Variants in ABCB11 observed in about 807,000 individuals in gnomAD.
ABCB11 encodes the protein bile salt export pump.
A neutral mutation model predicts 148.0 loss-of-function variants in ABCB11; 95 were observed. That is an observed-to-expected ratio of 0.64 (90% CI 0.54 to 0.76). The LOEUF (loss-of-function observed/expected upper bound fraction) is 0.76, where lower values mean the gene tolerates loss of function less well. Among genes scored for constraint, ABCB11 ranks in the 30% least tolerant of loss-of-function variants. The probability of loss-of-function intolerance (pLI) is 0.00; values close to 1 mark genes in which losing one functional copy is unlikely to be tolerated. For missense variants in ABCB11, 1,523 were observed against 1,617.8 expected, an observed-to-expected ratio of 0.94 and a Z score of 1.01; for synonymous variants, 591 against 555.4, an observed-to-expected ratio of 1.06 and a Z score of -0.90.
At position 168,944,660 on chromosome 2, in the gene ABCB11, T is replaced by C. The variant is rs1692220007; in HGVS notation, c.2555A>G (p.Asn852Ser). 4 of 1,612,820 alleles carry C rather than the reference T, an allele frequency of 2.5e-6. No homozygotes were observed. Among genetic ancestry groups the C allele is most frequent in the Non-Finnish European group, 3.4e-6 (4 of 1,179,176 alleles). ...QDIAWFDDLRNSPGALTTRLA... is the reference protein window; with the variant it reads ...QDIAWFDDLRSSPGALTTRLA... ...TCTTGTTGTCAATGCTCCAGGGCTA[T>C]TTCTGAGGTCATCAAACCAGGCAAT... Residue 852 changes from asparagine to serine, a missense_variant, in exon 21 of 28, where the codon AAT (asparagine) becomes AGT (serine). By Grantham distance (46) the Asn-to-Ser change is conservative. Coordinates refer to ENST00000650372, the MANE Select transcript of ABCB11 (RefSeq NM_003742.4).
At chr2:168,977,893 C>G (rs971685365) in intron 11 of ABCB11, among the ~76,000 whole-genome samples, 1 of 152,068 alleles carries the variant, frequency 6.6e-6, no homozygotes, top group Admixed American at 6.6e-5. Context: ...GTCTGTCCCT[C>G]GACACATGGG....
intron 5 of ABCB11, among the ~76,000 whole-genome samples, chr2:169,011,442 T>A (rs996920677): frequency 2.0e-5 from 3 of 152,196 alleles, no homozygotes; most frequent in Non-Finnish European, 2.9e-5. Context: ...TACAAATTGC[T>A]CTGAGTTTGT....
chr2:168,963,641 A>G (rs1249264294), intron 18 of ABCB11, among the ~76,000 whole-genome samples: 1 of 151,810 alleles, frequency 6.6e-6, no homozygotes, highest in Non-Finnish European at 1.5e-5. Context: ...TAAAATTGAT[A>G]GTATTATTTT....
chr2:168,987,728 G>A (rs1428105856), intron 9 of ABCB11, among the ~76,000 whole-genome samples: 1 of 152,166 alleles, frequency 6.6e-6, no homozygotes, highest in East Asian at 1.9e-4. Context: ...ACTGTGCCCA[G>A]CCTGTTTGAC....
At chr2:169,024,990 G>A (rs13430236) in intron 1 of ABCB11, among the ~76,000 whole-genome samples, 69,099 of 151,674 alleles carry the variant, frequency 0.46, 16,390 homozygotes, top group South Asian at 0.57. Flanking sequence ...AACATTTGCC[G>A]GTTACACAAT....
intron 7 of ABCB11, among the ~76,000 whole-genome samples, chr2:168,994,720 T>C (rs1694660463): frequency 6.6e-6 from 1 of 152,114 alleles, no homozygotes; most frequent in African/African-American, 2.4e-5. Flanking sequence ...TTATATTAAA[T>C]TCATATTCCT....
intron 4 of ABCB11, among the ~76,000 whole-genome samples, chr2:169,013,975 T>C (rs1695275623): frequency 6.6e-6 from 1 of 152,184 alleles, no homozygotes; most frequent in Non-Finnish European, 1.5e-5. Flanking sequence ...TAAACACCTA[T>C]ACTTTAAAAT....
chr2:168,992,513 C>T (rs1694566026), intron 8 of ABCB11, among the ~76,000 whole-genome samples: 1 of 152,024 alleles, frequency 6.6e-6, no homozygotes, highest in South Asian at 2.1e-4. Context: ...GAAAGACTGC[C>T]GTAAAACTTG....
chr2:168,986,774 G>GAC (rs1694341327), intron 9 of ABCB11, among the ~76,000 whole-genome samples: 1 of 151,602 alleles, frequency 6.6e-6, no homozygotes, highest in South Asian at 2.1e-4. Context: ...GCTGTGTTGT[G>GAC]ACACACTGGT....
intron 10 of ABCB11, 75 bp downstream of exon 10, chr2:168,986,031 TAAAC>T (rs1694306635): frequency 2.5e-6 from 3 of 1,202,410 alleles, no homozygotes; most frequent in Non-Finnish European, 3.3e-6. Context: ...ACCAAAGTAA[TAAAC>T]AAAATATCTA....
At chr2:168,957,072 T>C (rs1200196408) in intron 19 of ABCB11, among the ~76,000 whole-genome samples, 3 of 151,640 alleles carry the variant, frequency 2.0e-5, no homozygotes, top group Non-Finnish European at 4.4e-5. Context: ...ACTATTCTGA[T>C]TCCTCTTCAT....
At chr2:168,972,572 A>G (rs923165247) in intron 13 of ABCB11, among the ~76,000 whole-genome samples, 3 of 152,106 alleles carry the variant, frequency 2.0e-5, no homozygotes, top group Non-Finnish European at 4.4e-5. Flanking sequence ...AAAATCTTAC[A>G]TCAAGAAACT....
At chr2:168,978,132 CTTTTTTTTTTTTTTTTTTT>C (rs35964117) in intron 11 of ABCB11, among the ~76,000 whole-genome samples, 2 of 53,114 alleles carry the variant, frequency 3.8e-5, no homozygotes. Flanking sequence ...AATAAATTGA[CTTTTTTTTTTTTTTTTTTT>C]TTTTTTTTTT....
intron 4 of ABCB11, 28 bp downstream of exon 4, chr2:169,014,275 C>G: frequency 1.2e-6 from 2 of 1,604,612 alleles, no homozygotes; most frequent in Non-Finnish European, 1.7e-6. Flanking sequence ...TGCACACCCA[C>G]TGCCATAAAT....
In ABCB11 at chr2:168,923,342, C is replaced by T; in HGVS notation, c.*280G>A. On this transcript the variant is annotated 3_prime_UTR_variant, in exon 28 of 28. Coordinates refer to ENST00000650372, the MANE Select transcript of ABCB11 (RefSeq NM_003742.4). ...GGACTGGCTCCTGCACAGAGAAGCACTGAGTGGTGGCTGAGCTGCCACTTG... is the reference window on the plus strand; with the variant it reads ...GGACTGGCTCCTGCACAGAGAAGCATTGAGTGGTGGCTGAGCTGCCACTTG... The T allele has an allele frequency of 1.9e-6, 1 of 526,698 alleles. No individual in the cohort carries two copies. Among genetic ancestry groups the T allele is most frequent in the Non-Finnish European group, 3.4e-6 (1 of 294,348 alleles). The allele number at this position is 526,698 out of a possible 1,614,324, so 32.6% of individuals were successfully genotyped here.
chr2:169,011,671 G>C (rs560274713), intron 5 of ABCB11, among the ~76,000 whole-genome samples: 1 of 152,152 alleles, frequency 6.6e-6, no homozygotes, highest in Non-Finnish European at 1.5e-5. Context: ...ACACAGATAG[G>C]GATCATGACT....
chr2:168,990,957 A>G (rs1300580797), intron 8 of ABCB11, 32 bp from the exon 9 acceptor site: 1 of 1,607,182 alleles, frequency 6.2e-7, no homozygotes, highest in East Asian at 2.2e-5. Flanking sequence ...AGAAAATGTG[A>G]AGTCCAAGAA....
chr2:168,999,960 A>G (rs913903130), intron 5 of ABCB11, among the ~76,000 whole-genome samples: 4 of 152,118 alleles, frequency 2.6e-5, no homozygotes, highest in South Asian at 2.1e-4. Flanking sequence ...GAGTGATCCA[A>G]TTCTTCCACA....
intron 10 of ABCB11, among the ~76,000 whole-genome samples, chr2:168,982,898 G>A (rs564197162): frequency 6.6e-6 from 1 of 152,272 alleles, no homozygotes; most frequent in African/African-American, 2.4e-5. Flanking sequence ...ACAGAAAGAC[G>A]TTGGGAGTAA....
Sources: allele counts gnomAD v4.1 joint callset (sites outside exome capture counted in the v4.1 genomes callset), GRCh38; gene constraint gnomAD v4.1.1; transcripts MANE v1.5; gene names NCBI Gene and HGNC (gene_info 2026-07-23, HGNC 2026-07-21).